NR2C2: variants seen among roughly 807,000 people sequenced by gnomAD.
The protein encoded by NR2C2 is Nuclear hormone receptor TR4.
In NR2C2, 6 loss-of-function variants were observed where a neutral mutation model predicts 62.9. The ratio of observed to expected loss-of-function variants is 0.10; its 90% confidence interval spans 0.05 to 0.19. The LOEUF (loss-of-function observed/expected upper bound fraction) is 0.19, where lower values mean the gene tolerates loss of function less well. NR2C2 is among the 10% of genes least tolerant of loss of function. The probability of loss-of-function intolerance (pLI) is 1.00; values close to 1 mark genes in which losing one functional copy is unlikely to be tolerated. For missense variants in NR2C2, 479 were observed against 762.7 expected (o/e 0.63, Z 4.38); for synonymous variants, 272 against 273.8 (o/e 0.99, Z 0.07).
chr3:14,990,242 C>T (rs2040631863), intron 1 of NR2C2, among the ~76,000 whole-genome samples: 2 of 152,150 alleles, frequency 1.3e-5, no homozygotes, highest in Admixed American at 6.5e-5. Flanking sequence ...GGTTGGACTC[C>T]ATGGTAACAT....
intron 4 of NR2C2, among the ~76,000 whole-genome samples, chr3:15,018,020 A>T (rs1039607392): frequency 1.3e-5 from 2 of 151,404 alleles, no homozygotes; most frequent in African/African-American, 4.8e-5. Flanking sequence ...TTTTTTTGAG[A>T]TGGAGTCTCA....
intron 11 of NR2C2, among the ~76,000 whole-genome samples, chr3:15,036,704 C>CT (rs370645472): frequency 6.6e-6 from 1 of 152,274 alleles, no homozygotes; most frequent in African/African-American, 2.4e-5. Context: ...GCTGCCTAGG[C>CT]TTGGAATTTC....
chr3:15,003,844 C>G, intron 1 of NR2C2, 32 bp from the exon 2 acceptor site: 1 of 1,453,984 alleles, frequency 6.9e-7, no homozygotes, highest in South Asian at 1.1e-5. Flanking sequence ...ATTCTGAACC[C>G]CCTTGTGATC....
rs1273058366 is a variant in NR2C2 at position 15,048,336 on chromosome 3, C to CTT, written c.*5329_*5330dup. On this transcript the variant is annotated 3_prime_UTR_variant, in exon 14 of 14. Transcript: ENST00000425241. Reference sequence around the variant, plus strand: ...TTTCTAGTTAAAATGCAATTGGAAACTTGACAGTCTCTAAATGAATTAAAA... The same window carrying CTT: ...TTTCTAGTTAAAATGCAATTGGAAACTTTTGACAGTCTCTAAATGAATTAAAA... 2 of 152,622 alleles carry CTT rather than the reference C, an allele frequency of 1.3e-5. No homozygotes were observed. The highest frequency in any genetic ancestry group is 2.9e-5 in the Non-Finnish European group (2 of 68,042). The allele number at this position is 152,622 out of a possible 1,614,324, so 9.5% of individuals were successfully genotyped here. A position where few individuals can be genotyped will look rare whatever the true frequency, so the allele number is the denominator to read the frequency against.
intron 1 of NR2C2, among the ~76,000 whole-genome samples, chr3:14,950,705 C>T (rs2039329775): frequency 6.6e-6 from 1 of 152,140 alleles, no homozygotes. Context: ...CTGTCCTTAC[C>T]ACACTGTAAG....
At chr3:15,021,061 T>C (rs1181400578) in intron 5 of NR2C2, 129 bp downstream of exon 5, 1 of 910,556 alleles carries the variant, frequency 1.1e-6, no homozygotes, top group African/African-American at 1.7e-5. Flanking sequence ...GGCTTCATTT[T>C]GGTTTACCTC....
intron 1 of NR2C2, among the ~76,000 whole-genome samples, chr3:14,982,402 C>T (rs2040396124): frequency 6.6e-6 from 1 of 152,158 alleles, no homozygotes; most frequent in Non-Finnish European, 1.5e-5. Context: ...GCTGACTTTT[C>T]AGAGTTGGAA....
intron 1 of NR2C2, among the ~76,000 whole-genome samples, chr3:14,956,577 TTTG>T (rs1391413297): frequency 6.6e-6 from 1 of 152,184 alleles, no homozygotes; most frequent in Non-Finnish European, 1.5e-5. Flanking sequence ...GAGTTTTACT[TTTG>T]TTGCCCAGGC....
chr3:15,005,506 C>T (rs548713460), intron 2 of NR2C2, among the ~76,000 whole-genome samples: 77 of 138,282 alleles, frequency 5.6e-4, no homozygotes, highest in East Asian at 4.5e-4. Context: ...TGTGAGCCAG[C>T]GTGCGTGGCC....
chr3:14,953,913 A>T (rs2039445936), intron 1 of NR2C2, among the ~76,000 whole-genome samples: 1 of 150,246 alleles, frequency 6.7e-6, no homozygotes, highest in Non-Finnish European at 1.5e-5. Context: ...AAAAAAAAAC[A>T]ACTGAGGCTG....
intron 13 of NR2C2, among the ~76,000 whole-genome samples, chr3:15,041,719 C>T (rs943475482): frequency 1.3e-5 from 2 of 151,898 alleles, no homozygotes; most frequent in Non-Finnish European, 2.9e-5. Flanking sequence ...TAGTCAGGTG[C>T]GGTGGTGTGC....
chr3:15,003,010 A>G (rs1431454655), intron 1 of NR2C2, among the ~76,000 whole-genome samples: 1 of 149,246 alleles, frequency 6.7e-6, no homozygotes, highest in East Asian at 2.0e-4. Context: ...CAGTGGCACA[A>G]TCTCCGCTTA....
chr3:15,035,977 G>A (rs757282971), intron 11 of NR2C2, among the ~76,000 whole-genome samples: 2 of 152,128 alleles, frequency 1.3e-5, no homozygotes, highest in African/African-American at 2.4e-5. Context: ...GCAGTGAGCC[G>A]AGATCACGCC....
chr3:14,959,066 T>C (rs2039612331), intron 1 of NR2C2: 1 of 152,268 alleles, frequency 6.6e-6, no homozygotes, highest in Admixed American at 6.5e-5. Context: ...CCTCTTATTC[T>C]AGTGGGACAT....
At position 14,952,369 on chromosome 3, in the gene NR2C2, C is replaced by G. The variant is rs183389072; in HGVS notation, c.-40+4463C>G. ...GTGTCTCCACATATCGAGGGCCCTC[C>G]GTTGGGATTTTTATTGTTGAGTTCT... is the stretch of plus-strand genomic sequence containing the variant. On this transcript the variant is annotated intron_variant, in intron 1 of 13. Transcript: ENST00000425241. Among the ~76,000 whole-genome samples the G allele has an allele frequency of 2.4e-3, 373 of 152,286 alleles. 1 individual carries two copies. The highest frequency in any genetic ancestry group is 8.4e-3 in the African/African-American group (348 of 41,566).
At chr3:14,962,966 G>A (rs1446610410) in intron 1 of NR2C2, among the ~76,000 whole-genome samples, 1 of 152,106 alleles carries the variant, frequency 6.6e-6, no homozygotes, top group East Asian at 1.9e-4. Flanking sequence ...CTCAAGGCCT[G>A]GTTAAGGAGT....
At chr3:14,996,899 T>G (rs1252502630) in intron 1 of NR2C2, among the ~76,000 whole-genome samples, 1 of 152,194 alleles carries the variant, frequency 6.6e-6, no homozygotes, top group Non-Finnish European at 1.5e-5. Flanking sequence ...CAGTACAAGT[T>G]TCAGAGCCCA....
rs1361785238 is a variant in NR2C2, at chr3:15,045,544, C to T, written c.*2536C>T. 6.6e-6 allele frequency: 1 copy of T among 151,290 alleles called. No individual in the cohort carries two copies. Among genetic ancestry groups the T allele is most frequent in the Non-Finnish European group, 1.5e-5 (1 of 67,128 alleles). The allele number at this position is 151,290 out of a possible 1,614,324, so 9.4% of individuals were successfully genotyped here. ...TGGTTGGTTTCTGAGATCCTCTTGG[C>T]CTTACTTTGAAGTGGCCTTTTCTTT... On this transcript the variant is annotated 3_prime_UTR_variant, in exon 14 of 14. Transcript: ENST00000425241.
chr3:14,965,724 C>T (rs139603557), intron 1 of NR2C2, among the ~76,000 whole-genome samples: 293 of 151,982 alleles, frequency 1.9e-3, no homozygotes, highest in African/African-American at 6.6e-3. Flanking sequence ...AGTGCAATGG[C>T]GTGATCTCAG....
Sources: allele counts gnomAD v4.1 joint callset (sites outside exome capture counted in the v4.1 genomes callset), GRCh38; gene constraint gnomAD v4.1.1; transcripts MANE v1.5; gene names NCBI Gene and HGNC (gene_info 2026-07-23, HGNC 2026-07-21).